Variants in SFXN5 observed in about 807,000 individuals in gnomAD.
SFXN5 encodes the protein sideroflexin 5, also known as sideroflexin-5.
SFXN5 carries 43 observed loss-of-function variants against 50.2 expected under a neutral mutation model. The ratio of observed to expected loss-of-function variants is 0.86; its 90% CI spans 0.67 to 1.11. SFXN5 has a LOEUF of 1.11. Among genes scored for constraint, SFXN5 ranks in the 50% least tolerant of loss-of-function variants. The pLI is 0.00. For synonymous variants in SFXN5, 203 were observed against 185.8 expected, an observed-to-expected ratio of 1.09 and a Z score of -0.75; for missense variants, 463 against 454.1, an observed-to-expected ratio of 1.02 and a Z score of -0.18.
intron 9 of SFXN5, among the ~76,000 whole-genome samples, chr2:72,993,463 G>A (rs925590448): frequency 1.3e-5 from 2 of 152,214 alleles, no homozygotes; most frequent in Admixed American, 1.3e-4. Flanking sequence ...GCTGGCAACA[G>A]TGACCAATCC....
chr2:72,946,899 T>C (rs370536184), intron 13 of SFXN5, among the ~76,000 whole-genome samples: 7 of 152,332 alleles, frequency 4.6e-5, no homozygotes, highest in Non-Finnish European at 8.8e-5. Flanking sequence ...ACCCTGCTCC[T>C]TGGACTGGAG....
chr2:73,020,407 C>G, intron 5 of SFXN5, 143 bp from the exon 6 acceptor site: 1 of 707,304 alleles, frequency 1.4e-6, no homozygotes, highest in South Asian at 1.8e-5. Context: ...CATCTCCTAT[C>G]TCATAGACCC....
intron 10 of SFXN5, 55 bp downstream of exon 10, chr2:72,988,203 C>A: frequency 6.5e-7 from 1 of 1,536,704 alleles, no homozygotes; most frequent in East Asian, 2.3e-5. Flanking sequence ...CCTGGGAGCC[C>A]AGCGGTCCCC....
intron 6 of SFXN5, among the ~76,000 whole-genome samples, chr2:73,002,082 T>C (rs986786813): frequency 1.3e-5 from 2 of 152,238 alleles, no homozygotes; most frequent in Admixed American, 6.5e-5. Flanking sequence ...TAAACAAAAA[T>C]CATTTCAAAG....
chr2:73,052,037 G>A (rs1681399899), intron 2 of SFXN5, among the ~76,000 whole-genome samples: 1 of 151,980 alleles, frequency 6.6e-6, no homozygotes, highest in East Asian at 1.9e-4. Context: ...AATTTAATGT[G>A]TTACAATCCA....
chr2:73,020,308 A>G, intron 5 of SFXN5, 44 bp from the exon 6 acceptor site: 2 of 1,609,046 alleles, frequency 1.2e-6, no homozygotes, highest in Non-Finnish European at 1.7e-6. Context: ...ATCCACTCAC[A>G]TCTCACCTGA....
At position 72,945,052 on chromosome 2, in the gene SFXN5, G is replaced by C; in HGVS notation, c.993C>G (p.Ser331Arg). The change falls in exon 14 of 14, where the codon AGC (serine) becomes AGG (arginine). Residue 331 changes from serine to arginine, a missense_variant. Physicochemically the swap from Ser to Arg is moderately radical, Grantham distance 110. Transcript: ENST00000272433. The surrounding 1 kb of genome is among the most constrained non-coding windows in gnomAD (Gnocchi z 5.8). ...LEPEIAQATSSRTVVYNKGL is the reference protein window; with the variant it reads ...LEPEIAQATSRRTVVYNKGL The stretch of plus-strand genomic sequence containing the variant: ...ACCCCTTGTTGTACACCACTGTCCG[G>C]CTGCTCGTGGCCTGGGCTATCTCCG... 1 of 1,613,940 alleles carries C rather than the reference G, an allele frequency of 6.2e-7. No homozygotes were observed. The highest frequency in any genetic ancestry group is 8.5e-7 in the Non-Finnish European group (1 of 1,179,878).
chr2:72,978,911 T>C (rs1427138090), intron 10 of SFXN5, among the ~76,000 whole-genome samples: 1 of 152,160 alleles, frequency 6.6e-6, no homozygotes, highest in African/African-American at 2.4e-5. Context: ...ATGAGCTGTT[T>C]AGAGCACAAG....
chr2:73,066,389 C>T (rs1474813266), intron 1 of SFXN5, among the ~76,000 whole-genome samples: 1 of 151,852 alleles, frequency 6.6e-6, no homozygotes, highest in African/African-American at 2.4e-5. Flanking sequence ...GAAACCCCAT[C>T]TCTACTAAAA....
At chr2:73,069,424 G>A (rs777062448) in intron 1 of SFXN5, among the ~76,000 whole-genome samples, 1 of 152,178 alleles carries the variant, frequency 6.6e-6, no homozygotes, top group Non-Finnish European at 1.5e-5. Context: ...AACACAGGCG[G>A]CTCCCAGGTT....
In SFXN5 at chr2:72,950,999, C is replaced by T. The variant is rs1398311337; in HGVS notation, c.946-5900G>A. ...CCCATCATCTCTTCCATCTGGTAGG[C>T]TCCTCCCCGGGCACCCAAGAGCCAG... On this transcript the variant is annotated intron_variant, in intron 13 of 13. Transcript: ENST00000272433. This position sits in a 1 kb window ranked among gnomAD's most constrained non-coding sequence, Gnocchi z 4.2. 6.6e-6 allele frequency among the ~76,000 whole-genome samples: 1 copy of T among 152,202 alleles called. No homozygotes were observed. The highest frequency in any genetic ancestry group is 6.5e-5 in the Admixed American group (1 of 15,286).
chr2:73,051,257 C>CTT (rs35074891), intron 2 of SFXN5, among the ~76,000 whole-genome samples: 4,032 of 114,654 alleles, frequency 0.035, 464 homozygotes, highest in African/African-American at 0.12. Flanking sequence ...TTTTCCAGCA[C>CTT]TTTTTTTTTT....
chr2:72,970,016 A>G (rs1423190963), intron 11 of SFXN5, among the ~76,000 whole-genome samples: 1 of 152,168 alleles, frequency 6.6e-6, no homozygotes, highest in Non-Finnish European at 1.5e-5. Context: ...CTCACAGCCC[A>G]CAGATGCCTG....
chr2:73,053,544 C>A (rs1485897179), intron 2 of SFXN5: 1 of 152,372 alleles, frequency 6.6e-6, no homozygotes, highest in East Asian at 1.9e-4. Flanking sequence ...ACAAAGACAG[C>A]CTTCTTCCTA....
intron 3 of SFXN5, among the ~76,000 whole-genome samples, chr2:73,039,552 G>T (rs1679355922): frequency 6.6e-6 from 1 of 152,182 alleles, no homozygotes; most frequent in African/African-American, 2.4e-5. Context: ...ATGGCGGAAA[G>T]AAGTGTGTTT....
chr2:72,961,331 G>C lies in SFXN5; in HGVS notation c.828-83C>G. On this transcript the variant is annotated intron_variant, in intron 12 of 13. Coordinates refer to ENST00000272433, the MANE Select transcript of SFXN5 (RefSeq NM_144579.3). The surrounding 1 kb of genome is among the most constrained non-coding windows in gnomAD (Gnocchi z 4.4). ...CAGCCACCATGCTGGGTCCCACTCT[G>C]TCTCTGGGCCCAGGAAGCGTGGTTC... is the stretch of plus-strand genomic sequence containing the variant. 1.1e-6 allele frequency: 1 copy of C among 893,962 alleles called. No individual in the cohort carries two copies. Among genetic ancestry groups the C allele is most frequent in the Non-Finnish European group, 1.6e-6 (1 of 611,104 alleles). 55.4% of individuals were successfully genotyped at this position (893,962 alleles called of 1,614,324 possible). A position where few individuals can be genotyped will look rare whatever the true frequency, so the allele number is the denominator to read the frequency against.
chr2:73,056,730 A>G (rs1682187586), intron 2 of SFXN5, among the ~76,000 whole-genome samples: 1 of 152,112 alleles, frequency 6.6e-6, no homozygotes, highest in Non-Finnish European at 1.5e-5. Flanking sequence ...GTCAAGACAT[A>G]CTTCTTAGAA....
In SFXN5 at chr2:73,052,340, GTGTGTGTGTGTGTGT is replaced by G. The variant is rs1325259376; in HGVS notation, c.171+6173_171+6187del. Among the ~76,000 whole-genome samples, 665 of 86,228 alleles carry G rather than the reference GTGTGTGTGTGTGTGT, an allele frequency of 7.7e-3. 10 individuals carry two copies. Among genetic ancestry groups the G allele is most frequent in the African/African-American group, 0.045 (598 of 13,204 alleles). 56.6% of individuals were successfully genotyped at this position (86,228 alleles called of 152,430 possible). On this transcript the variant is annotated intron_variant, in intron 2 of 13. Coordinates refer to ENST00000272433, the MANE Select transcript of SFXN5 (RefSeq NM_144579.3). ...AAAATTAGAAAATGTAAGAGAGAGA[GTGTGTGTGTGTGTGT>G]ATGCGTGTGTGTGTGTGTGTGTGTG... is the stretch of plus-strand genomic sequence containing the variant.
At chr2:73,059,650 C>A in intron 1 of SFXN5, 1 of 885,482 alleles carries the variant, frequency 1.1e-6, no homozygotes, top group Non-Finnish European at 1.3e-6. Context: ...AACCTCTAAC[C>A]CCTAATGCCA....
Sources: allele counts gnomAD v4.1 joint callset (sites outside exome capture counted in the v4.1 genomes callset), GRCh38; gene constraint gnomAD v4.1.1; non-coding constraint Gnocchi (gnomAD v3.1); transcripts MANE v1.5; gene names NCBI Gene and HGNC (gene_info 2026-07-23, HGNC 2026-07-21).